NOVA1: variants seen among roughly 807,000 people sequenced by gnomAD.
NOVA1 encodes RNA-binding protein Nova-1.
NOVA1 carries 7 observed loss-of-function variants against 38.0 expected under a neutral mutation model. That is an observed-to-expected ratio of 0.18 (90% CI 0.10 to 0.35). The LOEUF is 0.35. NOVA1 is among the 10% of genes least tolerant of loss of function. NOVA1 has a pLI of 1.00. For missense variants in NOVA1, 460 were observed against 616.0 expected (o/e 0.75, Z 2.68); for synonymous variants, 270 against 232.5 (o/e 1.16, Z -1.47).
intron 2 of NOVA1, among the ~76,000 whole-genome samples, chr14:26,509,808 G>A (rs1375005192): frequency 6.6e-6 from 1 of 152,136 alleles, no homozygotes; most frequent in African/African-American, 2.4e-5. Flanking sequence ...AGCCTCCTGA[G>A]TAGCTGAGAT....
chr14:26,500,294 T>C (rs1163153667), intron 2 of NOVA1, among the ~76,000 whole-genome samples: 2 of 152,076 alleles, frequency 1.3e-5, no homozygotes, highest in Non-Finnish European at 2.9e-5. Context: ...AAATACTTAC[T>C]AAATATTTGT....
intron 4 of NOVA1, among the ~76,000 whole-genome samples, chr14:26,464,992 A>C (rs921648347): frequency 1.3e-5 from 2 of 152,204 alleles, no homozygotes; most frequent in Admixed American, 1.3e-4. Flanking sequence ...CAGCAATTTC[A>C]TAACTCTCAT....
chr14:26,546,524 T>A (rs77974941), intron 2 of NOVA1, among the ~76,000 whole-genome samples: 6 of 152,336 alleles, frequency 3.9e-5, no homozygotes, highest in Non-Finnish European at 8.8e-5. Context: ...AAAATGTATG[T>A]TCTTTAAAAT....
At chr14:26,454,104 G>C (rs1193682848) in intron 4 of NOVA1, among the ~76,000 whole-genome samples, 1 of 151,720 alleles carries the variant, frequency 6.6e-6, no homozygotes, top group Admixed American at 6.6e-5. Flanking sequence ...CACACTGGAA[G>C]AATTGTCTCA....
chr14:26,522,217 A>C (rs972044408), intron 2 of NOVA1, among the ~76,000 whole-genome samples: 11 of 152,106 alleles, frequency 7.2e-5, no homozygotes, highest in African/African-American at 2.7e-4. Flanking sequence ...CAGAGTAATC[A>C]CTGTCAATTG....
chr14:26,532,305 T>C (rs1348668920), intron 2 of NOVA1, among the ~76,000 whole-genome samples: 1 of 152,144 alleles, frequency 6.6e-6, no homozygotes, highest in African/African-American at 2.4e-5. Flanking sequence ...AATAGATAAA[T>C]AAACTGTGTA....
intron 4 of NOVA1, among the ~76,000 whole-genome samples, chr14:26,452,716 T>C (rs1882809282): frequency 6.6e-6 from 1 of 152,208 alleles, no homozygotes; most frequent in African/African-American, 2.4e-5. Context: ...ATAACATGTA[T>C]AAAACTAAGT....
intron 2 of NOVA1, among the ~76,000 whole-genome samples, chr14:26,496,074 T>C (rs1260524018): frequency 2.8e-4 from 41 of 145,018 alleles, no homozygotes; most frequent in African/African-American, 9.0e-4. Context: ...ATCGCCACAC[T>C]GACTTCCACA....
intron 2 of NOVA1, among the ~76,000 whole-genome samples, chr14:26,511,519 G>T (rs970718994): frequency 2.6e-4 from 39 of 152,122 alleles, no homozygotes; most frequent in Non-Finnish European, 5.0e-4. Context: ...TGTAATCCCA[G>T]CACTATGGGA....
chr14:26,499,483 T>A (rs1029493071), intron 2 of NOVA1, among the ~76,000 whole-genome samples: 1 of 152,154 alleles, frequency 6.6e-6, no homozygotes, highest in African/African-American at 2.4e-5. Context: ...GAAACTTTTA[T>A]GCTATAGGCT....
intron 2 of NOVA1, among the ~76,000 whole-genome samples, chr14:26,530,190 T>TA (rs1323683103): frequency 2.0e-5 from 3 of 152,230 alleles, no homozygotes; most frequent in African/African-American, 7.2e-5. Flanking sequence ...AGTGCTGCGA[T>TA]TACAGGCGTG....
intron 4 of NOVA1, among the ~76,000 whole-genome samples, chr14:26,464,800 T>TCC (rs1447424012): frequency 1.3e-5 from 2 of 152,170 alleles, no homozygotes; most frequent in South Asian, 2.1e-4. Context: ...TATTAAATCT[T>TCC]CCCCACGAAA....
chr14:26,494,442 G>C (rs1004961425), intron 2 of NOVA1, among the ~76,000 whole-genome samples: 58 of 152,266 alleles, frequency 3.8e-4, no homozygotes, highest in Middle Eastern at 3.4e-3. Context: ...GGAAGCAAAG[G>C]CTGAACAGAT....
At chr14:26,571,510 T>C (rs1566547368) in intron 2 of NOVA1, among the ~76,000 whole-genome samples, 1 of 152,150 alleles carries the variant, frequency 6.6e-6, no homozygotes. Flanking sequence ...TCTAGCACCA[T>C]ATGATATGAG....
At chr14:26,475,971 C>T (rs1884953411) in intron 3 of NOVA1, among the ~76,000 whole-genome samples, 1 of 152,040 alleles carries the variant, frequency 6.6e-6, no homozygotes, top group Non-Finnish European at 1.5e-5. Context: ...AAAACAGCGA[C>T]GAACAACAAA....
chr14:26,522,743 T>G (rs890667441), intron 2 of NOVA1, among the ~76,000 whole-genome samples: 1 of 152,144 alleles, frequency 6.6e-6, no homozygotes, highest in African/African-American at 2.4e-5. Flanking sequence ...TCTGTGAAAT[T>G]GAGTGAAGTT....
intron 2 of NOVA1, among the ~76,000 whole-genome samples, chr14:26,547,893 T>C (rs923907758): frequency 6.6e-6 from 1 of 152,128 alleles, no homozygotes; most frequent in African/African-American, 2.4e-5. Flanking sequence ...ACTAAATCTA[T>C]GCAAGTAAAG....
intron 4 of NOVA1, among the ~76,000 whole-genome samples, chr14:26,456,958 A>G (rs1566435995): frequency 1.7e-4 from 25 of 146,790 alleles, no homozygotes; most frequent in Non-Finnish European, 1.5e-5. Context: ...CACACACACA[A>G]ATATATACAC....
At chr14:26,468,480 C>T (rs1884327014) in intron 4 of NOVA1, among the ~76,000 whole-genome samples, 1 of 152,156 alleles carries the variant, frequency 6.6e-6, no homozygotes, top group South Asian at 2.1e-4. Flanking sequence ...CATGCATGGG[C>T]TCTTGACCTA....
Sources: allele counts gnomAD v4.1 joint callset (sites outside exome capture counted in the v4.1 genomes callset), GRCh38; gene constraint gnomAD v4.1.1; transcripts MANE v1.5; gene names NCBI Gene and HGNC (gene_info 2026-07-23, HGNC 2026-07-21).